PTPRT: variants seen among roughly 807,000 people sequenced by gnomAD.
PTPRT encodes the protein receptor-type tyrosine-protein phosphatase T.
Under a neutral mutation model 176.8 loss-of-function variants are expected in PTPRT, and 56 were observed. That is an observed-to-expected ratio of 0.32 (90% CI 0.26 to 0.40). The LOEUF is 0.40. Ranked by LOEUF, PTPRT falls within the 10% of genes least tolerant of loss-of-function variation. The pLI, the probability that PTPRT is intolerant of heterozygous loss-of-function variation, is 1.00. For synonymous variants in PTPRT, 783 were observed against 739.0 expected (o/e 1.06, Z -0.96); for missense variants, 1,540 against 1,908.2 (o/e 0.81, Z 3.60).
rs139716460 is a variant in PTPRT, at chr20:42,400,973, T to C, written c.1560+47247A>G. ...GAGGATTTAGTGGCCAGATGTGGGT[T>C]TCGGGAGGAGGGTGGAGCCGAGGAC... On this transcript the variant is annotated intron_variant, in intron 9 of 30. Coordinates refer to ENST00000373187, the MANE Select transcript of PTPRT (RefSeq NM_007050.6). Among the ~76,000 whole-genome samples, 108 of 152,030 alleles carry C rather than the reference T, an allele frequency of 7.1e-4. 1 individual carries two copies. In the East Asian group the frequency reaches 0.019, roughly 26 times the overall value.
chr20:42,975,140 T>C lies in PTPRT; in HGVS notation c.89-89208A>G, dbSNP rs555180194. On this transcript the variant is annotated intron_variant, in intron 1 of 30. Transcript: ENST00000373187. Reference sequence around the variant, plus strand: ...GGACAAGAGATTAAAAAAAATCAGATGTGAAAAAAATGTTGTTTTCCATTG... The same window carrying C: ...GGACAAGAGATTAAAAAAAATCAGACGTGAAAAAAATGTTGTTTTCCATTG... Among the ~76,000 whole-genome samples the C allele has an allele frequency of 1.1e-3, 172 of 152,186 alleles. 1 individual carries two copies. Among genetic ancestry groups the C allele is most frequent in the African/African-American group, 3.8e-3 (157 of 41,540 alleles).
intron 9 of PTPRT, among the ~76,000 whole-genome samples, chr20:42,370,102 G>A (rs902374010): frequency 6.6e-6 from 1 of 152,130 alleles, no homozygotes; most frequent in African/African-American, 2.4e-5. Context: ...TTCATCCAAA[G>A]TGCAGACTCC....
chr20:42,812,118 G>A (rs1167404086), intron 2 of PTPRT, among the ~76,000 whole-genome samples: 4 of 151,798 alleles, frequency 2.6e-5, no homozygotes, highest in South Asian at 2.1e-4. Flanking sequence ...AGAATACTGG[G>A]TAATTCTGTA....
intron 1 of PTPRT, among the ~76,000 whole-genome samples, chr20:43,019,191 G>A (rs1310695974): frequency 6.6e-6 from 1 of 152,098 alleles, no homozygotes; most frequent in Non-Finnish European, 1.5e-5. Context: ...GGTTGATTTG[G>A]GATGTCAACT....
At chr20:43,047,828 T>C (rs1245977598) in intron 1 of PTPRT, among the ~76,000 whole-genome samples, 1 of 152,048 alleles carries the variant, frequency 6.6e-6, no homozygotes, top group Non-Finnish European at 1.5e-5. Flanking sequence ...AAAATAGGGG[T>C]TCTTTTGTCC....
At chr20:43,164,644 T>C (rs903457905) in intron 1 of PTPRT, among the ~76,000 whole-genome samples, 7 of 152,222 alleles carry the variant, frequency 4.6e-5, no homozygotes, top group African/African-American at 1.4e-4. Context: ...GAGGGCTAAA[T>C]AGTAGAGACT....
rs1367107130 is a variant in PTPRT at position 42,775,933 on chromosome 20, T to C, written c.568+4285A>G. Among the ~76,000 whole-genome samples, 5 of 152,366 alleles carry C rather than the reference T, an allele frequency of 3.3e-5. No individual in the cohort carries two copies. In the East Asian group the frequency reaches 7.7e-4, roughly 24 times the overall value. The stretch of plus-strand genomic sequence containing the variant: ...CATCTATGAGTGAAGTCATAAATTC[T>C]AAGACTGGAGGCTGGGGAAAAGCAC... On this transcript the variant is annotated intron_variant, in intron 4 of 30. Coordinates refer to ENST00000373187, the MANE Select transcript of PTPRT (RefSeq NM_007050.6).
At chr20:42,657,194 T>G (rs1318702100) in intron 7 of PTPRT, among the ~76,000 whole-genome samples, 1 of 152,192 alleles carries the variant, frequency 6.6e-6, no homozygotes. Flanking sequence ...CCACCATTAT[T>G]GTAGGTTTCC....
chr20:42,611,207 T>A (rs1401519662), intron 7 of PTPRT, among the ~76,000 whole-genome samples: 2 of 152,206 alleles, frequency 1.3e-5, no homozygotes, highest in Non-Finnish European at 2.9e-5. Context: ...TTGCTGAGCA[T>A]GGAACTGTAC....
At chr20:42,968,492 C>T (rs1004010148) in intron 1 of PTPRT, among the ~76,000 whole-genome samples, 14 of 152,132 alleles carry the variant, frequency 9.2e-5, no homozygotes, top group African/African-American at 3.4e-4. Context: ...AAGTGGACAC[C>T]TCACTGAGAG....
chr20:42,951,303 A>G (rs1398431814), intron 1 of PTPRT, among the ~76,000 whole-genome samples: 1 of 151,256 alleles, frequency 6.6e-6, no homozygotes, highest in Non-Finnish European at 1.5e-5. Flanking sequence ...TGGATGATGG[A>G]TGAGTAGATG....
intron 6 of PTPRT, among the ~76,000 whole-genome samples, chr20:42,751,754 T>C (rs2076773509): frequency 6.6e-6 from 1 of 152,096 alleles, no homozygotes; most frequent in South Asian, 2.1e-4. Flanking sequence ...CTTACACCAG[T>C]GGTTTCCCAG....
intron 2 of PTPRT, among the ~76,000 whole-genome samples, chr20:42,858,148 G>A (rs2078597517): frequency 6.6e-6 from 1 of 152,082 alleles, no homozygotes; most frequent in South Asian, 2.1e-4. Flanking sequence ...AAGCTACTTT[G>A]GGGCAGACTG....
At chr20:42,113,873 C>T (rs113096527) in intron 22 of PTPRT, among the ~76,000 whole-genome samples, 454 of 152,306 alleles carry the variant, frequency 3.0e-3, no homozygotes, top group Non-Finnish European at 5.3e-3. Context: ...ACTTTTTCAC[C>T]CGAGACTGCA....
Position 42,072,986 on chromosome 20 carries a change from A to G in PTPRT, c.*7893T>C, listed in dbSNP as rs113146735. ...CTAGAATTGAAAAGAAAAAAAAAAC[A>G]TTGACAGCACAGTGCTGGCTTTTTT... On this transcript the variant is annotated 3_prime_UTR_variant, in exon 31 of 31. Transcript: ENST00000373187. 5 of 223,694 alleles carry G rather than the reference A, an allele frequency of 2.2e-5. No individual in the cohort carries two copies. Among genetic ancestry groups the G allele is most frequent in the African/African-American group, 1.1e-4 (5 of 44,740 alleles). The allele number at this position is 223,694 out of a possible 1,614,324, so 13.9% of individuals were successfully genotyped here. A position where few individuals can be genotyped will look rare whatever the true frequency, so the allele number is the denominator to read the frequency against.
chr20:43,128,045 C>A (rs369754280), intron 1 of PTPRT, among the ~76,000 whole-genome samples: 1 of 152,114 alleles, frequency 6.6e-6, no homozygotes, highest in African/African-American at 2.4e-5. Context: ...TCCATAGTAG[C>A]GGTTATGGCT....
intron 11 of PTPRT, among the ~76,000 whole-genome samples, chr20:42,322,130 A>C (rs1224661148): frequency 2.6e-5 from 4 of 152,148 alleles, no homozygotes; most frequent in Non-Finnish European, 4.4e-5. Context: ...AAATGGAAGA[A>C]CATTCCATGC....
intron 6 of PTPRT, among the ~76,000 whole-genome samples, chr20:42,726,765 T>C (rs765857410): frequency 7.9e-5 from 12 of 152,170 alleles, no homozygotes; most frequent in Admixed American, 3.9e-4. Flanking sequence ...TTCCATTCTC[T>C]AGATGCACAC....
intron 6 of PTPRT, among the ~76,000 whole-genome samples, chr20:42,728,506 C>T (rs1225802722): frequency 6.6e-6 from 1 of 152,176 alleles, no homozygotes; most frequent in Non-Finnish European, 1.5e-5. Context: ...AGCCTGGCTC[C>T]TTTACTCAGC....
Sources: allele counts gnomAD v4.1 joint callset (sites outside exome capture counted in the v4.1 genomes callset), GRCh38; gene constraint gnomAD v4.1.1; transcripts MANE v1.5; gene names NCBI Gene and HGNC (gene_info 2026-07-23, HGNC 2026-07-21).